The following GRID2 variants were observed in gnomAD, a reference collection of about 807,000 sequenced individuals.
GRID2 encodes glutamate ionotropic receptor delta type subunit 2.
Under a neutral mutation model 114.8 loss-of-function variants are expected in GRID2, and 33 were observed. The ratio of observed to expected loss-of-function variants is 0.29; its 90% CI spans 0.22 to 0.38. GRID2 has a LOEUF of 0.38. GRID2 is among the 10% of genes least tolerant of loss of function. The pLI is 1.00. For missense variants in GRID2, 1,184 were observed against 1,257.7 expected (o/e 0.94, Z 0.89); for synonymous variants, 505 against 449.9 (o/e 1.12, Z -1.55).
In GRID2 at chr4:93,626,625, GT is replaced by G. The variant is rs545887419; in HGVS notation, c.2360+196del. Among the ~76,000 whole-genome samples, 279 of 152,196 alleles carry G rather than the reference GT, an allele frequency of 1.8e-3. 1 individual carries two copies. The highest frequency in any genetic ancestry group is 2.9e-3 in the Admixed American group (45 of 15,288). ...CTCATTACCTAAAACATGAAGTATTGTTTTTTCCATAAGTAGCGGGAAAAAT... is the reference window on the plus strand; with the variant it reads ...CTCATTACCTAAAACATGAAGTATTGTTTTTCCATAAGTAGCGGGAAAAAT... On this transcript the variant is annotated intron_variant, in intron 14 of 15. Transcript: ENST00000282020.
At chr4:93,794,627 A>G (rs1734760162) in intron 1 of GRID2, among the ~76,000 whole-genome samples, 1 of 152,188 alleles carries the variant, frequency 6.6e-6, no homozygotes, top group African/African-American at 2.4e-5. Context: ...GATGCCTGCT[A>G]ACTCAGTTTC....
At chr4:93,606,007 C>A (rs1740199379) in intron 13 of GRID2, among the ~76,000 whole-genome samples, 1 of 152,146 alleles carries the variant, frequency 6.6e-6, no homozygotes, top group South Asian at 2.1e-4. Context: ...TGGCTCACGC[C>A]TGTAACCCCA....
At chr4:93,334,492 A>T (rs1758826401) in intron 8 of GRID2, among the ~76,000 whole-genome samples, 1 of 152,204 alleles carries the variant, frequency 6.6e-6, no homozygotes, top group South Asian at 2.1e-4. Flanking sequence ...TTATGAAATT[A>T]TGATGTGTTA....
chr4:93,633,547 C>A (rs1477011204), intron 14 of GRID2, among the ~76,000 whole-genome samples: 1 of 152,058 alleles, frequency 6.6e-6, no homozygotes, highest in Non-Finnish European at 1.5e-5. Flanking sequence ...ATCTACTTAA[C>A]TTTTTGGCTA....
intron 1 of GRID2, among the ~76,000 whole-genome samples, chr4:92,391,458 T>G (rs977285200): frequency 6.6e-6 from 1 of 152,110 alleles, no homozygotes; most frequent in Admixed American, 6.6e-5. Flanking sequence ...TAGTAGAAAA[T>G]TATGGCATTG....
At position 93,773,452 on chromosome 4, in the gene GRID2, A is replaced by G. The variant is rs145598576; in HGVS notation, c.*954A>G. ...TTATACTTTTGTTATTAAAGCATCC[A>G]GGGCAATTTAATATTTGTTCCTAGA... On this transcript the variant is annotated 3_prime_UTR_variant, in exon 16 of 16. Transcript: ENST00000282020. 1.4e-4 allele frequency: 22 copies of G among 152,310 alleles called. No homozygotes were observed. Among genetic ancestry groups the G allele is most frequent in the African/African-American group, 5.0e-4 (21 of 41,586 alleles). 9.4% of individuals were successfully genotyped at this position (152,310 alleles called of 1,614,324 possible).
chr4:92,397,396 A>C (rs1322445783), intron 1 of GRID2, among the ~76,000 whole-genome samples: 1 of 148,626 alleles, frequency 6.7e-6, no homozygotes, highest in Non-Finnish European at 1.5e-5. Flanking sequence ...TTCTCCATTC[A>C]GAAGAAATAA....
chr4:92,814,497 T>A (rs1417457566), intron 2 of GRID2, among the ~76,000 whole-genome samples: 1 of 152,086 alleles, frequency 6.6e-6, no homozygotes, highest in African/African-American at 2.4e-5. Flanking sequence ...GTGGACAAAT[T>A]GCTGAGGTGC....
intron 2 of GRID2, among the ~76,000 whole-genome samples, chr4:92,859,121 T>C (rs1393684089): frequency 3.9e-5 from 6 of 152,142 alleles, no homozygotes; most frequent in Non-Finnish European, 8.8e-5. Context: ...TGTGGCAAAC[T>C]TCATTTTATT....
rs373388572 is a variant in GRID2 at position 92,805,236 on chromosome 4, CTT to C, written c.244+214953_244+214954del. ...AAATTTCTGTGTGATTTTTTTGATACTTTTCTCTCTCTCTCTCTGTGCTTCAA... is the reference window on the plus strand; with the variant it reads ...AAATTTCTGTGTGATTTTTTTGATACTTCTCTCTCTCTCTCTGTGCTTCAA... On this transcript the variant is annotated intron_variant, in intron 2 of 15. Transcript: ENST00000282020. Among the ~76,000 whole-genome samples the C allele has an allele frequency of 2.6e-4, 39 of 151,838 alleles. 1 individual carries two copies. The highest frequency in any genetic ancestry group is 9.4e-4 in the African/African-American group (39 of 41,482).
chr4:93,273,948 A>C (rs1382045372), intron 8 of GRID2, among the ~76,000 whole-genome samples: 1 of 152,188 alleles, frequency 6.6e-6, no homozygotes, highest in East Asian at 1.9e-4. Flanking sequence ...TTTGGGACTC[A>C]CTTAGTATTC....
chr4:93,716,250 T>C (rs1046032072), intron 14 of GRID2, among the ~76,000 whole-genome samples: 12 of 152,050 alleles, frequency 7.9e-5, no homozygotes, highest in Non-Finnish European at 1.5e-4. Context: ...GAATTAAGGA[T>C]AAAAGATATA....
At chr4:92,866,232 A>G (rs1224416476) in intron 2 of GRID2, among the ~76,000 whole-genome samples, 5 of 152,178 alleles carry the variant, frequency 3.3e-5, no homozygotes, top group Non-Finnish European at 7.3e-5. Context: ...TGATACAGAC[A>G]TAGATGGCCT....
intron 12 of GRID2, among the ~76,000 whole-genome samples, chr4:93,500,185 A>C (rs944769843): frequency 6.6e-6 from 1 of 152,012 alleles, no homozygotes; most frequent in African/African-American, 2.4e-5. Flanking sequence ...TTGCCACTTA[A>C]TAGCTCAATG....
At chr4:93,638,071 C>T (rs1490130415) in intron 14 of GRID2, among the ~76,000 whole-genome samples, 1 of 152,052 alleles carries the variant, frequency 6.6e-6, no homozygotes, top group Non-Finnish European at 1.5e-5. Context: ...AACATAAGCT[C>T]TAACGATTTC....
rs149717385 is a variant in GRID2, at chr4:92,497,054, T to A, written c.89-93077T>A. On this transcript the variant is annotated intron_variant, in intron 1 of 15. Transcript: ENST00000282020. The stretch of plus-strand genomic sequence containing the variant: ...AAGTCATAAATCTTTCTTTAGTCCT[T>A]AGTTCAAAGATTACTTTTAGTCTTC... Among the ~76,000 whole-genome samples the A allele has an allele frequency of 3.9e-5, 6 of 151,904 alleles. No homozygotes were observed. In the East Asian group the frequency reaches 1.2e-3, roughly 29 times the overall value.
intron 2 of GRID2, among the ~76,000 whole-genome samples, chr4:92,793,270 T>C (rs1739681570): frequency 6.6e-6 from 1 of 151,802 alleles, no homozygotes; most frequent in Non-Finnish European, 1.5e-5. Context: ...TTTTTTTGCC[T>C]AATTTTTATG....
chr4:92,404,479 A>G (rs1730936230), intron 1 of GRID2, among the ~76,000 whole-genome samples: 1 of 152,190 alleles, frequency 6.6e-6, no homozygotes, highest in Admixed American at 6.5e-5. Context: ...CAGTGTGGCA[A>G]TTCCTCAAAG....
chr4:93,692,550 G>A (rs1726662360), intron 14 of GRID2, among the ~76,000 whole-genome samples: 1 of 151,930 alleles, frequency 6.6e-6, no homozygotes, highest in South Asian at 2.1e-4. Flanking sequence ...TTTTATATTT[G>A]TTTCAAAATT....
Sources: gnomAD v4.1 joint callset for allele counts (sites outside exome capture counted in the v4.1 genomes callset) on GRCh38, gnomAD v4.1.1 for gene constraint, MANE v1.5 for transcripts, NCBI Gene and HGNC (gene_info 2026-07-23, HGNC 2026-07-21) for gene names.